The following REXO5 variants were observed in gnomAD, a reference collection of about 807,000 sequenced individuals.
REXO5 encodes RNA exonuclease 5.
REXO5 carries 48 observed loss-of-function variants against 88.5 expected under a neutral mutation model. The ratio of observed to expected loss-of-function variants is 0.54; its 90% CI spans 0.43 to 0.69. The LOEUF is 0.69. Among genes scored for constraint, REXO5 ranks in the 30% least tolerant of loss-of-function variants. The pLI, the probability that REXO5 is intolerant of heterozygous loss-of-function variation, is 0.00. For synonymous variants in REXO5, 311 were observed against 336.5 expected, an observed-to-expected ratio of 0.92 and a Z score of 0.83; for missense variants, 749 against 912.2, an observed-to-expected ratio of 0.82 and a Z score of 2.30.
At chr16:20,818,959 G>A (rs1481319821) in intron 5 of REXO5, among the ~76,000 whole-genome samples, 1 of 152,140 alleles carries the variant, frequency 6.6e-6, no homozygotes, top group Non-Finnish European at 1.5e-5. Context: ...AACCCCAAAT[G>A]TGTGTTGTCA....
chr16:20,811,920 A>C (rs1485821217), intron 2 of REXO5, among the ~76,000 whole-genome samples: 2 of 152,206 alleles, frequency 1.3e-5, no homozygotes, highest in Non-Finnish European at 2.9e-5. Flanking sequence ...CTAGATGAGG[A>C]AACTGAGTCT....
chr16:20,820,692 T>A (rs2081170901), intron 5 of REXO5, among the ~76,000 whole-genome samples: 1 of 149,672 alleles, frequency 6.7e-6, no homozygotes, highest in Non-Finnish European at 1.5e-5. Flanking sequence ...GCCTCCTGAA[T>A]AGGTGGAATT....
chr16:20,832,272 G>GT lies in REXO5; in HGVS notation c.1262+16dup. The GT allele has an allele frequency of 6.4e-7, 1 of 1,556,088 alleles. No homozygotes were observed. Among genetic ancestry groups the GT allele is most frequent in the Non-Finnish European group, 8.8e-7 (1 of 1,134,306 alleles). ...ACCCAAACACAAGGTAATATTTTCA[G>GT]TTTGAAACAAGAGCAAAGACAAATG... On this transcript the variant is annotated intron_variant, in intron 12 of 19. Transcript: ENST00000261377.
chr16:20,845,509 G>A (rs2081594215), intron 18 of REXO5, among the ~76,000 whole-genome samples: 2 of 152,084 alleles, frequency 1.3e-5, no homozygotes, highest in Admixed American at 1.3e-4. Flanking sequence ...ATTATTCAGT[G>A]ATCTAGTCTA....
rs141116044 is a variant in REXO5, at chr16:20,833,053, G to A, written c.1313G>A (p.Arg438Gln). ...GGTCAGAAGCTTCTTTTTTTGACCCGGGAGACAGATGCTGGTGAACTTCCA... is the reference window on the plus strand; with the variant it reads ...GGTCAGAAGCTTCTTTTTTTGACCCAGGAGACAGATGCTGGTGAACTTCCA... ...SVGQKLLFLT[R>Q]ETDAGELPSS... is the part of the protein sequence containing the mutation. Residue 438 changes from arginine (R) to glutamine (Q), a missense_variant, in exon 13 of 20, where the codon CGG becomes CAG. Coordinates refer to ENST00000261377, the MANE Select transcript of REXO5 (RefSeq NM_030941.3). 29 of 1,613,330 alleles carry A rather than the reference G, an allele frequency of 1.8e-5. No individual in the cohort carries two copies. The African/African-American group carries it at 2.1e-4, about 12-fold the overall frequency.
chr16:20,835,235 A>T (rs1239380137), intron 13 of REXO5, among the ~76,000 whole-genome samples: 3 of 151,648 alleles, frequency 2.0e-5, no homozygotes, highest in African/African-American at 7.3e-5. Flanking sequence ...TAATCTGCCC[A>T]CTTCAGCATT....
At chr16:20,838,762 C>G (rs1050077433) in intron 13 of REXO5, among the ~76,000 whole-genome samples, 1 of 152,154 alleles carries the variant, frequency 6.6e-6, no homozygotes, top group Non-Finnish European at 1.5e-5. Flanking sequence ...TCACGCAAAA[C>G]AGAAAATAGT....
chr16:20,832,294 A>G (rs2081357279), intron 12 of REXO5, 35 bp downstream of exon 12: 1 of 1,342,168 alleles, frequency 7.5e-7, no homozygotes, highest in African/African-American at 1.5e-5. Flanking sequence ...AGCAAAGACA[A>G]ATGGAGTATC....
chr16:20,815,773 T>C (rs2081072728), intron 4 of REXO5, among the ~76,000 whole-genome samples: 1 of 152,230 alleles, frequency 6.6e-6, no homozygotes, highest in African/African-American at 2.4e-5. Context: ...TCTCAACCTT[T>C]TTGCCGTGTG....
chr16:20,806,873 A>G, intron 1 of REXO5, 79 bp from the exon 2 acceptor site: 1 of 1,505,978 alleles, frequency 6.6e-7, no homozygotes, highest in Non-Finnish European at 8.9e-7. Context: ...AAGCCCGTGT[A>G]GCTCTCCCGC....
chr16:20,824,187 T>C (rs2081227626), intron 6 of REXO5, among the ~76,000 whole-genome samples: 1 of 152,198 alleles, frequency 6.6e-6, no homozygotes, highest in African/African-American at 2.4e-5. Context: ...ACTTGGTAAC[T>C]GCCAGGAAGT....
At chr16:20,833,949 T>C (rs950862213) in intron 13 of REXO5, among the ~76,000 whole-genome samples, 4 of 152,244 alleles carry the variant, frequency 2.6e-5, no homozygotes, top group African/African-American at 9.6e-5. Flanking sequence ...CTTTTCCCTT[T>C]AGAACAGTAT....
intron 13 of REXO5, among the ~76,000 whole-genome samples, chr16:20,837,901 G>T (rs892794072): frequency 2.0e-5 from 3 of 152,066 alleles, no homozygotes; most frequent in African/African-American, 7.2e-5. Context: ...AAGTAGCTGG[G>T]ACTACAGGCA....
rs771718998 is a variant in REXO5, at chr16:20,825,841, A to G, written c.714A>G (p.Thr238=). ...ACATGTTGGTCTTTCAGTGCCTCAC[A>G]TCCAAGGGGAGAGAGCTAACACGCA... ...LFGLDCEMCL[T]SKGRELTRIS... The change falls in exon 8 of 20, where the codon ACA becomes ACG. Residue 238 remains threonine (T), a synonymous_variant. Coordinates refer to ENST00000261377, the MANE Select transcript of REXO5 (RefSeq NM_030941.3). 1.2e-6 allele frequency: 2 copies of G among 1,613,498 alleles called. No individual in the cohort carries two copies. The highest frequency in any genetic ancestry group is 3.3e-5 in the Admixed American group (2 of 59,966).
At chr16:20,816,958 T>C (rs2081090290) in intron 5 of REXO5, among the ~76,000 whole-genome samples, 1 of 152,238 alleles carries the variant, frequency 6.6e-6, no homozygotes, top group Non-Finnish European at 1.5e-5. Context: ...GATAGCAGTG[T>C]GTTTTTCAAA....
intron 11 of REXO5, 125 bp downstream of exon 11, chr16:20,828,662 C>T (rs377622763): frequency 2.0e-4 from 130 of 660,698 alleles, no homozygotes; most frequent in South Asian, 1.6e-3. Flanking sequence ...GGTGCAGTGG[C>T]TCATGCCTGT....
chr16:20,848,585 T>G (rs1567415466), intron 19 of REXO5, among the ~76,000 whole-genome samples: 1 of 152,196 alleles, frequency 6.6e-6, no homozygotes, highest in Non-Finnish European at 1.5e-5. Context: ...AAGTCTAGTG[T>G]TTGCATGTTT....
In REXO5 at chr16:20,816,083, C is replaced by G. The variant is rs753504363; in HGVS notation, c.379-33C>G. 6 of 1,579,782 alleles carry G rather than the reference C, an allele frequency of 3.8e-6. No individual in the cohort carries two copies. The African/African-American group carries it at 6.7e-5, about 18-fold the overall frequency. On this transcript the variant is annotated intron_variant, in intron 4 of 19. Coordinates refer to ENST00000261377, the MANE Select transcript of REXO5 (RefSeq NM_030941.3). ...TTCACAGTATTTTAGCTGTTTTCAA[C>G]CATTTTTGTAAAACCTGTTAATATA...
intron 14 of REXO5, chr16:20,840,127 G>T: frequency 3.8e-6 from 2 of 531,666 alleles, no homozygotes; most frequent in South Asian, 3.4e-5. Context: ...TGGCTACATA[G>T]TATTCTGCTA....
Sources: gnomAD v4.1 joint callset for allele counts (sites outside exome capture counted in the v4.1 genomes callset) on GRCh38, gnomAD v4.1.1 for gene constraint, MANE v1.5 for transcripts, NCBI Gene and HGNC (gene_info 2026-07-23, HGNC 2026-07-21) for gene names.